The following MAPK10 variants were observed in gnomAD, a reference collection of about 807,000 sequenced individuals.
MAPK10 encodes JNK3 alpha protein kinase.
A neutral mutation model predicts 59.3 loss-of-function variants in MAPK10; 25 were observed. The ratio of observed to expected loss-of-function variants is 0.42; its 90% CI spans 0.31 to 0.59. The LOEUF is 0.59. Ranked by LOEUF, MAPK10 falls within the 20% of genes least tolerant of loss-of-function variation. The pLI is 0.15. For missense variants in MAPK10, 351 were observed against 568.9 expected (o/e 0.62, Z 3.90); for synonymous variants, 190 against 200.5 (o/e 0.95, Z 0.44).
At chr4:86,479,886 A>G (rs776484786) in intron 1 of MAPK10, among the ~76,000 whole-genome samples, 2 of 151,714 alleles carry the variant, frequency 1.3e-5, no homozygotes, top group African/African-American at 2.4e-5. Flanking sequence ...TTACCACAAA[A>G]TCTTCCTTCA....
At position 86,016,976 on chromosome 4, in the gene MAPK10, A is replaced by G; in HGVS notation, c.*252T>C. 5 of 381,764 alleles carry G rather than the reference A, an allele frequency of 1.3e-5. No homozygotes were observed. The highest frequency in any genetic ancestry group is 1.4e-5 in the Non-Finnish European group (3 of 208,228). 23.6% of individuals were successfully genotyped at this position (381,764 alleles called of 1,614,324 possible). A position where few individuals can be genotyped will look rare whatever the true frequency, so the allele number is the denominator to read the frequency against. ...TAATTGTGTCTGATTTGCTTTCTGT[A>G]GTAAGCATCATTGGAAGAAGACCAA... is the stretch of plus-strand genomic sequence containing the variant. On this transcript the variant is annotated 3_prime_UTR_variant, in exon 14 of 14. Coordinates refer to ENST00000641462, the MANE Select transcript of MAPK10 (RefSeq NM_138982.4).
At chr4:86,393,335 G>GTT (rs112022296) in intron 1 of MAPK10, among the ~76,000 whole-genome samples, 64 of 143,476 alleles carry the variant, frequency 4.5e-4, no homozygotes, top group East Asian at 1.4e-3. Flanking sequence ...CAATGATCTA[G>GTT]TTTTTTTTTT....
chr4:86,507,655 T>TATATATATATATACAC (rs1755886177), intron 1 of MAPK10, among the ~76,000 whole-genome samples: 9 of 71,268 alleles, frequency 1.3e-4, no homozygotes, highest in Admixed American at 4.6e-4. Flanking sequence ...TATATATATA[T>TATATATATATATACAC]ATATATATAT....
At chr4:86,069,933 A>G (rs1188869331) in intron 9 of MAPK10, among the ~76,000 whole-genome samples, 1 of 152,184 alleles carries the variant, frequency 6.6e-6, no homozygotes, top group African/African-American at 2.4e-5. Context: ...ATACTTTTAT[A>G]TTAAAGTTTA....
intron 1 of MAPK10, among the ~76,000 whole-genome samples, chr4:86,389,813 G>GT (rs1479891035): frequency 6.6e-6 from 1 of 152,162 alleles, no homozygotes; most frequent in Non-Finnish European, 1.5e-5. Flanking sequence ...TTAGTAAGAA[G>GT]TTCAGAGTAT....
intron 1 of MAPK10, among the ~76,000 whole-genome samples, chr4:86,389,805 A>T (rs1420324316): frequency 1.3e-5 from 2 of 152,334 alleles, no homozygotes; most frequent in East Asian, 3.9e-4. Flanking sequence ...ACTGGGAGTT[A>T]GTAAGAAGTT....
At chr4:86,573,807 G>A (rs911428265) in intron 1 of MAPK10, among the ~76,000 whole-genome samples, 2 of 152,002 alleles carry the variant, frequency 1.3e-5, no homozygotes, top group South Asian at 2.1e-4. Flanking sequence ...CATTTTCTTA[G>A]ATTTATCCCT....
chr4:86,406,872 C>T (rs1049692065), intron 1 of MAPK10, among the ~76,000 whole-genome samples: 3 of 152,158 alleles, frequency 2.0e-5, no homozygotes, highest in Admixed American at 6.5e-5. Context: ...CAACCACTTA[C>T]GACAGCATGT....
intron 1 of MAPK10, among the ~76,000 whole-genome samples, chr4:86,496,836 C>T (rs1754907387): frequency 6.6e-6 from 1 of 152,068 alleles, no homozygotes; most frequent in Non-Finnish European, 1.5e-5. Context: ...TACTCCTTTG[C>T]TGGAGGGCTA....
chr4:86,066,519 C>A (rs1312295787), intron 10 of MAPK10, among the ~76,000 whole-genome samples: 1 of 152,018 alleles, frequency 6.6e-6, no homozygotes, highest in South Asian at 2.1e-4. Context: ...GCAATCCCAG[C>A]ACTTTGGAAG....
chr4:86,241,689 G>C (rs1295569746), intron 2 of MAPK10, among the ~76,000 whole-genome samples: 1 of 152,044 alleles, frequency 6.6e-6, no homozygotes, highest in Non-Finnish European at 1.5e-5. Flanking sequence ...GGTTGTTTAT[G>C]TTCCCCTCTA....
At chr4:86,322,175 T>C (rs1268919956) in intron 2 of MAPK10, 1 of 152,208 alleles carries the variant, frequency 6.6e-6, no homozygotes, top group African/African-American at 2.4e-5. Flanking sequence ...ATGTTTTGTG[T>C]CATGAGAAAC....
At chr4:86,263,249 C>G (rs1235934422) in intron 2 of MAPK10, among the ~76,000 whole-genome samples, 1 of 152,128 alleles carries the variant, frequency 6.6e-6, no homozygotes, top group Non-Finnish European at 1.5e-5. Context: ...TTAGATATTC[C>G]TGAAATTGCC....
At chr4:86,389,389 A>G (rs1006454311) in intron 1 of MAPK10, among the ~76,000 whole-genome samples, 10 of 152,162 alleles carry the variant, frequency 6.6e-5, no homozygotes, top group African/African-American at 2.4e-4. Flanking sequence ...ATACAATATG[A>G]TCTTTGTAAT....
Position 86,412,926 on chromosome 4 carries a change from G to A in MAPK10, c.-122+40104C>T, listed in dbSNP as rs557834058. The stretch of plus-strand genomic sequence containing the variant: ...TGTAAACTCATCAAAGTTATTCTCC[G>A]TCAAGTTTCGTTCCCTTGCTGGCAA... On this transcript the variant is annotated intron_variant, in intron 1 of 13. Transcript: ENST00000361569. 1.7e-4 allele frequency among the ~76,000 whole-genome samples: 26 copies of A among 152,230 alleles called. No individual in the cohort carries two copies. The South Asian group carries it at 2.1e-3, about 12-fold the overall frequency.
At chr4:86,128,264 T>C (rs2060404655) in intron 4 of MAPK10, among the ~76,000 whole-genome samples, 1 of 152,110 alleles carries the variant, frequency 6.6e-6, no homozygotes, top group African/African-American at 2.4e-5. Flanking sequence ...ACTAAAACCA[T>C]ATGAAGTAAG....
intron 11 of MAPK10, among the ~76,000 whole-genome samples, chr4:86,055,206 T>C (rs901521960): frequency 2.0e-5 from 3 of 152,174 alleles, no homozygotes; most frequent in Admixed American, 6.6e-5. Flanking sequence ...TAAAACATAT[T>C]ATGGAAATAA....
intron 1 of MAPK10, among the ~76,000 whole-genome samples, chr4:86,585,274 T>G (rs896361754): frequency 6.6e-6 from 1 of 152,206 alleles, no homozygotes. Flanking sequence ...AAAATGAAAT[T>G]GAATGCTATG....
chr4:86,401,619 G>A (rs921885230), intron 1 of MAPK10, among the ~76,000 whole-genome samples: 2 of 152,106 alleles, frequency 1.3e-5, no homozygotes, highest in African/African-American at 4.8e-5. Flanking sequence ...GAAGCTTAAT[G>A]TATGACTCAA....
Sources: gnomAD v4.1 joint callset for allele counts (sites outside exome capture counted in the v4.1 genomes callset) on GRCh38, gnomAD v4.1.1 for gene constraint, MANE v1.5 for transcripts, NCBI Gene and HGNC (gene_info 2026-07-23, HGNC 2026-07-21) for gene names.